The following SMOC2 variants were observed in gnomAD, a reference collection of about 807,000 sequenced individuals.
The protein encoded by SMOC2 is SPARC-related modular calcium-binding protein 2.
SMOC2 carries 39 observed loss-of-function variants against 61.4 expected under a neutral mutation model. That is an observed-to-expected ratio of 0.64 (90% CI 0.49 to 0.83). SMOC2 has a LOEUF of 0.83. Ranked by LOEUF, SMOC2 falls within the 40% of genes least tolerant of loss-of-function variation. The pLI, the probability that SMOC2 is intolerant of heterozygous loss-of-function variation, is 0.00. For missense variants in SMOC2, 556 were observed against 592.9 expected (o/e 0.94, Z 0.65); for synonymous variants, 247 against 239.9 (o/e 1.03, Z -0.27).
chr6:168,560,381 T>C (rs1416571255), intron 7 of SMOC2, among the ~76,000 whole-genome samples: 2 of 152,266 alleles, frequency 1.3e-5, no homozygotes, highest in South Asian at 2.1e-4. Context: ...ACACAGAACA[T>C]TTAAGTGATG....
chr6:168,608,248 C>T lies in SMOC2; in HGVS notation c.907+9C>T, dbSNP rs1785764771. 6.2e-7 allele frequency: 1 copy of T among 1,610,238 alleles called. No homozygotes were observed. ...GGGCCGCCAGCTACAAGGTGAGCAGCACCCGCGAGTGTGGCCCGAATCCAC... is the reference window on the plus strand; with the variant it reads ...GGGCCGCCAGCTACAAGGTGAGCAGTACCCGCGAGTGTGGCCCGAATCCAC... On this transcript the variant is annotated intron_variant, in intron 9 of 12. Transcript: ENST00000356284.
chr6:168,614,046 C>T (rs1158015364), intron 9 of SMOC2, among the ~76,000 whole-genome samples: 2 of 95,108 alleles, frequency 2.1e-5, no homozygotes, highest in Admixed American at 1.0e-4. Context: ...TTCACACCTA[C>T]AGCCAGCAGG....
At chr6:168,447,735 T>G (rs951134080) in intron 1 of SMOC2, among the ~76,000 whole-genome samples, 1 of 152,048 alleles carries the variant, frequency 6.6e-6, no homozygotes. Context: ...TTCAGAGCCC[T>G]TGAGTGCAGG....
intron 9 of SMOC2, among the ~76,000 whole-genome samples, chr6:168,640,166 ACGGTCT>A (rs1441818309): frequency 1.3e-4 from 14 of 106,318 alleles, no homozygotes; most frequent in South Asian, 6.5e-4. Context: ...ATATCAGCAC[ACGGTCT>A]TGGTGTTGGT....
At chr6:168,577,438 C>T (rs1020979886) in intron 7 of SMOC2, among the ~76,000 whole-genome samples, 2 of 152,146 alleles carry the variant, frequency 1.3e-5, no homozygotes, top group African/African-American at 4.8e-5. Context: ...TTTCCTTGAC[C>T]CAGTTTCAGA....
intron 1 of SMOC2, among the ~76,000 whole-genome samples, chr6:168,506,709 G>A (rs879453003): frequency 6.6e-6 from 1 of 152,062 alleles, no homozygotes; most frequent in African/African-American, 2.4e-5. Flanking sequence ...GCACTGCTTC[G>A]TGGAAATCAA....
chr6:168,625,623 G>C (rs1250966755), intron 9 of SMOC2, among the ~76,000 whole-genome samples: 1 of 152,204 alleles, frequency 6.6e-6, no homozygotes, highest in Non-Finnish European at 1.5e-5. Context: ...GCCACGTTTT[G>C]TGCACTCGCT....
At chr6:168,663,993 C>T in intron 11 of SMOC2, 81 bp from the exon 12 acceptor site, 1 of 1,193,258 alleles carries the variant, frequency 8.4e-7, no homozygotes, top group South Asian at 1.4e-5. Context: ...GTGATGTGGA[C>T]TCCTTCCTGA....
rs909463425 is a variant in SMOC2, at chr6:168,457,120, G to A, written c.84+15666G>A. The stretch of plus-strand genomic sequence containing the variant: ...CCTCACACTGCCTCAGGCACAGCGC[G>A]GCCGCCACGCCCCTCTCCAGCTCTC... On this transcript the variant is annotated intron_variant, in intron 1 of 12. Coordinates refer to ENST00000356284, the MANE Select transcript of SMOC2 (RefSeq NM_001166412.2). Among the ~76,000 whole-genome samples the A allele has an allele frequency of 8.5e-5, 13 of 152,316 alleles. No individual in the cohort carries two copies. The East Asian group carries it at 2.5e-3, about 29-fold the overall frequency.
intron 9 of SMOC2, among the ~76,000 whole-genome samples, chr6:168,641,656 G>C (rs1374392911): frequency 6.6e-6 from 1 of 152,184 alleles, no homozygotes; most frequent in Non-Finnish European, 1.5e-5. Flanking sequence ...GAATGTTATG[G>C]TCAGAGGAAC....
chr6:168,441,349 C>T lies in SMOC2; in HGVS notation c.-22C>T, dbSNP rs377036766. 7.3e-4 allele frequency: 1,091 copies of T among 1,499,948 alleles called. 13 individuals are homozygous for T. The African/African-American group carries it at 0.014, about 19-fold the overall frequency. The allele number at this position is 1,499,948 out of a possible 1,614,324, so 92.9% of individuals were successfully genotyped here. On this transcript the variant is annotated 5_prime_UTR_variant, in exon 1 of 13. Transcript: ENST00000356284. ...AGGGCGCAGGACGCGGCCGATCTCC[C>T]GCTCCCGCCACCTCCGCCACCATGC...
At chr6:168,456,452 G>A (rs897728822) in intron 1 of SMOC2, among the ~76,000 whole-genome samples, 1 of 152,166 alleles carries the variant, frequency 6.6e-6, no homozygotes, top group African/African-American at 2.4e-5. Flanking sequence ...ACCTCGCAGT[G>A]GGTTCCGTTC....
chr6:168,488,200 C>T (rs1782380583), intron 1 of SMOC2, among the ~76,000 whole-genome samples: 2 of 152,230 alleles, frequency 1.3e-5, no homozygotes, highest in East Asian at 1.9e-4. Flanking sequence ...CACTGGTCTC[C>T]TCTGGCCCCT....
intron 7 of SMOC2, among the ~76,000 whole-genome samples, chr6:168,592,751 C>G (rs1429538395): frequency 3.1e-4 from 1 of 3,210 alleles, no homozygotes. Context: ...TCTAGAGGAT[C>G]TCCGAGCTCC....
chr6:168,582,259 G>A (rs1784936353), intron 7 of SMOC2, among the ~76,000 whole-genome samples: 1 of 152,100 alleles, frequency 6.6e-6, no homozygotes, highest in Non-Finnish European at 1.5e-5. Flanking sequence ...ATTGGTTTTG[G>A]GGTGACTTCT....
intron 2 of SMOC2, among the ~76,000 whole-genome samples, chr6:168,519,089 G>A (rs57733468): frequency 0.11 from 16,359 of 151,030 alleles, 1,056 homozygotes; most frequent in South Asian, 0.19. Context: ...GCGTGCATGT[G>A]TGAACATGCG....
intron 1 of SMOC2, among the ~76,000 whole-genome samples, chr6:168,481,371 AAGGT>A (rs1583046701): frequency 1.3e-5 from 2 of 152,230 alleles, no homozygotes; most frequent in East Asian, 1.9e-4. Flanking sequence ...CAACAATCGA[AAGGT>A]AGGAACAGAG....
At chr6:168,546,433 T>C (rs898599574) in intron 5 of SMOC2, among the ~76,000 whole-genome samples, 1 of 152,096 alleles carries the variant, frequency 6.6e-6, no homozygotes, top group African/African-American at 2.4e-5. Context: ...AATGTGTGTG[T>C]GTCAATTAAT....
chr6:168,466,632 A>T (rs888740699), intron 1 of SMOC2, among the ~76,000 whole-genome samples: 51 of 152,336 alleles, frequency 3.3e-4, no homozygotes, highest in African/African-American at 1.2e-3. Flanking sequence ...CATATTTGTC[A>T]TAGTATTTGT....
Sources: gnomAD v4.1 joint callset for allele counts (sites outside exome capture counted in the v4.1 genomes callset) on GRCh38, gnomAD v4.1.1 for gene constraint, MANE v1.5 for transcripts, NCBI Gene and HGNC (gene_info 2026-07-23, HGNC 2026-07-21) for gene names.